Variants in RAB38 observed in about 807,000 individuals in gnomAD.
The protein encoded by RAB38 is RAB38, member RAS oncogene family, also known as ras-related protein Rab-38.
Under a neutral mutation model 18.4 loss-of-function variants are expected in RAB38, and 15 were observed. The observed-to-expected ratio is 0.82, with a 90% confidence interval of 0.55 to 1.26. The LOEUF is 1.26. Ranked by LOEUF, RAB38 falls within the 50% of genes most tolerant of loss-of-function variation. The probability of loss-of-function intolerance (pLI) is 0.00; values close to 1 mark genes in which losing one functional copy is unlikely to be tolerated. For synonymous variants in RAB38, 101 were observed against 104.4 expected, an observed-to-expected ratio of 0.97 and a Z score of 0.20; for missense variants, 294 against 267.4, an observed-to-expected ratio of 1.10 and a Z score of -0.69.
chr11:87,856,749 G>T, the RAB38 span, among the ~76,000 whole-genome samples: 5 of 151,678 alleles, frequency 3.3e-5, no homozygotes, highest in Admixed American at 2.0e-4. Flanking sequence ...TAAGTTCTGG[G>T]ATACATGCGC....
At chr11:88,166,816 T>C (rs868780027) in intron 1 of RAB38, 1 of 152,140 alleles carries the variant, frequency 6.6e-6, no homozygotes, top group African/African-American at 2.4e-5. Context: ...AATTCTAAAT[T>C]ATACTTTTAT....
chr11:87,941,116 A>G, the RAB38 span, among the ~76,000 whole-genome samples: 1 of 149,878 alleles, frequency 6.7e-6, no homozygotes, highest in African/African-American at 2.5e-5. Context: ...ATGTGAAGGT[A>G]TATTAGACGC....
chr11:87,853,113 A>G, the RAB38 span, among the ~76,000 whole-genome samples: 1 of 152,182 alleles, frequency 6.6e-6, no homozygotes, highest in Non-Finnish European at 1.5e-5. Context: ...TTTGGGTTAA[A>G]AGAGAGGATA....
At chr11:88,149,306 C>A (rs547039005) in intron 2 of RAB38, among the ~76,000 whole-genome samples, 22 of 152,320 alleles carry the variant, frequency 1.4e-4, no homozygotes, top group African/African-American at 5.3e-4. Flanking sequence ...TTAACTAACA[C>A]ATGAATAAGG....
the RAB38 span, among the ~76,000 whole-genome samples, chr11:87,869,398 T>G: frequency 6.6e-6 from 1 of 151,670 alleles, no homozygotes; most frequent in Non-Finnish European, 1.5e-5. Flanking sequence ...TGGTCAGTAT[T>G]CCTTGAGAGC....
chr11:87,933,698 G>A, the RAB38 span, among the ~76,000 whole-genome samples: 1 of 149,784 alleles, frequency 6.7e-6, no homozygotes, highest in East Asian at 2.0e-4. Context: ...TTTTCAGTTT[G>A]CATGGAGCCA....
chr11:88,045,813 C>T, the RAB38 span, among the ~76,000 whole-genome samples: 1 of 152,166 alleles, frequency 6.6e-6, no homozygotes, highest in Non-Finnish European at 1.5e-5. Flanking sequence ...TTTCCTTTGC[C>T]TCCATAACTG....
the RAB38 span, among the ~76,000 whole-genome samples, chr11:87,900,696 GAA>G: frequency 1.5e-3 from 207 of 140,936 alleles, no homozygotes; most frequent in African/African-American, 5.2e-3. Flanking sequence ...AGGAAGGAAG[GAA>G]GGAAGGAAAA....
the RAB38 span, among the ~76,000 whole-genome samples, chr11:87,952,790 A>G: frequency 1.3e-5 from 2 of 152,182 alleles, no homozygotes; most frequent in Non-Finnish European, 2.9e-5. Flanking sequence ...TGTCTTTTAC[A>G]TGTTTGTCTG....
chr11:87,885,127 A>T, the RAB38 span, among the ~76,000 whole-genome samples: 2,407 of 152,132 alleles, frequency 0.016, 71 homozygotes, highest in African/African-American at 0.055. Context: ...TTAAGAGAAG[A>T]CATTCAACCT....
rs36069323 is a variant in RAB38, at chr11:88,175,137, G to C, written c.202+46C>G. 4,392 of 1,502,734 alleles carry C rather than the reference G, an allele frequency of 2.9e-3. 12 individuals are homozygous for C. Among genetic ancestry groups the C allele is most frequent in the Non-Finnish European group, 3.7e-3 (4,091 of 1,118,012 alleles). 93.1% of individuals were successfully genotyped at this position (1,502,734 alleles called of 1,614,324 possible). On this transcript the variant is annotated intron_variant, in intron 1 of 2. Transcript: ENST00000243662. ...AGCCGCTGCCTCGAGACTGGAAACC[G>C]GCCGCGAGGCGCTCTATCCCCCTGA... is the stretch of plus-strand genomic sequence containing the variant.
the RAB38 span, among the ~76,000 whole-genome samples, chr11:87,881,688 T>G: frequency 6.6e-6 from 1 of 150,850 alleles, no homozygotes; most frequent in Non-Finnish European, 1.5e-5. Context: ...ATGAGCTTCA[T>G]AATTTAGTTC....
chr11:88,129,622 C>T (rs894231759), intron 2 of RAB38, among the ~76,000 whole-genome samples: 10 of 152,018 alleles, frequency 6.6e-5, no homozygotes, highest in African/African-American at 1.9e-4. Context: ...GCAGTCTGGG[C>T]GACAAAGTGA....
At chr11:87,971,739 G>A in the RAB38 span, among the ~76,000 whole-genome samples, 1 of 152,036 alleles carries the variant, frequency 6.6e-6, no homozygotes, top group Non-Finnish European at 1.5e-5. Context: ...ATTGTTGGAA[G>A]AATAAGCTTA....
chr11:87,860,132 G>T, the RAB38 span, among the ~76,000 whole-genome samples: 5 of 151,920 alleles, frequency 3.3e-5, no homozygotes, highest in Non-Finnish European at 7.4e-5. Flanking sequence ...ATAGATGCTT[G>T]ATGGGCCAGT....
chr11:88,140,921 C>T (rs1942904171), intron 2 of RAB38, among the ~76,000 whole-genome samples: 1 of 152,060 alleles, frequency 6.6e-6, no homozygotes, highest in Non-Finnish European at 1.5e-5. Flanking sequence ...AATTCCATTT[C>T]AGATATGTTG....
chr11:88,174,719 G>C (rs747254429), intron 1 of RAB38, among the ~76,000 whole-genome samples: 1 of 151,456 alleles, frequency 6.6e-6, no homozygotes, highest in Non-Finnish European at 1.5e-5. Context: ...GTGAGCCACT[G>C]AAGACAGGAA....
chr11:88,004,589 C>G, the RAB38 span, among the ~76,000 whole-genome samples: 1 of 151,178 alleles, frequency 6.6e-6, no homozygotes, highest in African/African-American at 2.4e-5. Context: ...ATTGTCGGTA[C>G]TCACTCCTTC....
chr11:88,061,091 A>T, the RAB38 span, among the ~76,000 whole-genome samples: 3 of 152,246 alleles, frequency 2.0e-5, no homozygotes, highest in Non-Finnish European at 4.4e-5. Flanking sequence ...CTACAATGAT[A>T]TGATGAAAAT....
Sources: gnomAD v4.1 joint callset for allele counts (sites outside exome capture counted in the v4.1 genomes callset) on GRCh38, gnomAD v4.1.1 for gene constraint, MANE v1.5 for transcripts, NCBI Gene and HGNC (gene_info 2026-07-23, HGNC 2026-07-21) for gene names.